Variants in RBFOX1 observed in about 807,000 individuals in gnomAD.
RBFOX1 encodes the protein RNA binding protein fox-1 homolog 1.
RBFOX1 carries 8 observed loss-of-function variants against 57.7 expected under a neutral mutation model. The observed-to-expected ratio is 0.14, with a 90% CI of 0.08 to 0.25. RBFOX1 has a LOEUF of 0.25. Among genes scored for constraint, RBFOX1 ranks in the 10% least tolerant of loss-of-function variants. The pLI, the probability that RBFOX1 is intolerant of heterozygous loss-of-function variation, is 1.00. For missense variants in RBFOX1, 611 were observed against 548.5 expected, an observed-to-expected ratio of 1.11 and a Z score of -1.14; for synonymous variants, 326 against 222.4, an observed-to-expected ratio of 1.47 and a Z score of -4.15.
In RBFOX1 at chr16:6,694,681, G is replaced by A. The variant is rs143190751; in HGVS notation, c.-16+40031G>A. Among the ~76,000 whole-genome samples, 561 of 152,230 alleles carry A rather than the reference G, an allele frequency of 3.7e-3. 5 individuals carry two copies. Among genetic ancestry groups the A allele is most frequent in the African/African-American group, 0.013 (539 of 41,528 alleles). On this transcript the variant is annotated intron_variant, in intron 3 of 15. Transcript: ENST00000550418. ...TGTTTTTCCACATGGTAGCAAGATG[G>A]CCACCAGGAGCCACCAGCTCTATCA...
chr16:7,429,070 T>C (rs890482568), intron 4 of RBFOX1, among the ~76,000 whole-genome samples: 1 of 152,170 alleles, frequency 6.6e-6, no homozygotes, highest in African/African-American at 2.4e-5. Context: ...TGGAAATGAA[T>C]GTGTGGAAGT....
chr16:6,825,609 C>A (rs182980638), intron 3 of RBFOX1, among the ~76,000 whole-genome samples: 11 of 152,276 alleles, frequency 7.2e-5, no homozygotes, highest in African/African-American at 2.2e-4. Context: ...TTAGAAACTG[C>A]AACATCCTCT....
chr16:7,665,723 G>A (rs1182200613), intron 13 of RBFOX1, among the ~76,000 whole-genome samples: 1 of 152,146 alleles, frequency 6.6e-6, no homozygotes, highest in African/African-American at 2.4e-5. Context: ...TTTTGAATAA[G>A]TAGGCAGTGT....
At chr16:7,565,563 G>C (rs1337932503) in intron 5 of RBFOX1, among the ~76,000 whole-genome samples, 1 of 152,184 alleles carries the variant, frequency 6.6e-6, no homozygotes, top group Non-Finnish European at 1.5e-5. Flanking sequence ...GCTAAATCAA[G>C]ACCGCTCTTC....
At chr16:6,811,867 C>A (rs1334009146) in intron 3 of RBFOX1, among the ~76,000 whole-genome samples, 2 of 152,028 alleles carry the variant, frequency 1.3e-5, no homozygotes, top group African/African-American at 4.8e-5. Context: ...CGAGCCTGGG[C>A]AACACGAGTG....
intron 4 of RBFOX1, among the ~76,000 whole-genome samples, chr16:7,150,157 C>T (rs766488920): frequency 1.2e-4 from 19 of 152,180 alleles, no homozygotes; most frequent in Admixed American, 8.5e-4. Context: ...TTCCTATTAG[C>T]AGCCTCCTTC....
intron 3 of RBFOX1, among the ~76,000 whole-genome samples, chr16:5,706,392 C>T (rs940615067): frequency 6.6e-6 from 1 of 152,216 alleles, no homozygotes; most frequent in African/African-American, 2.4e-5. Flanking sequence ...AATCACCAAG[C>T]ACTGCCTTGC....
chr16:6,043,431 A>G (rs767976898), intron 1 of RBFOX1, among the ~76,000 whole-genome samples: 14 of 152,196 alleles, frequency 9.2e-5, no homozygotes, highest in Admixed American at 6.5e-5. Flanking sequence ...AGAGTCTGCT[A>G]TCTGTCATGC....
At chr16:6,121,795 A>G (rs935393614) in intron 1 of RBFOX1, among the ~76,000 whole-genome samples, 1 of 152,236 alleles carries the variant, frequency 6.6e-6, no homozygotes, top group African/African-American at 2.4e-5. Context: ...CCTCTGTAAA[A>G]GAAGGAATAA....
intron 3 of RBFOX1, among the ~76,000 whole-genome samples, chr16:7,044,031 G>A (rs552077121): frequency 6.6e-6 from 1 of 152,150 alleles, no homozygotes; most frequent in Admixed American, 6.5e-5. Context: ...CTGTACAAAT[G>A]TTCTCTGTAT....
intron 4 of RBFOX1, among the ~76,000 whole-genome samples, chr16:7,227,298 A>ACCC (rs1163061832): frequency 5.6e-5 from 4 of 71,074 alleles, no homozygotes; most frequent in East Asian, 4.7e-4. Context: ...CCACCCCCAC[A>ACCC]CACACACACA....
chr16:5,467,711 C>T (rs144594552), intron 2 of RBFOX1, among the ~76,000 whole-genome samples: 8 of 152,076 alleles, frequency 5.3e-5, no homozygotes, highest in Non-Finnish European at 8.8e-5. Context: ...TTTTTAAAAT[C>T]GATTTCAACT....
At chr16:5,477,938 A>G (rs1239258444) in intron 2 of RBFOX1, among the ~76,000 whole-genome samples, 5 of 152,188 alleles carry the variant, frequency 3.3e-5, no homozygotes, top group Non-Finnish European at 7.3e-5. Flanking sequence ...CCCCAAATGC[A>G]GTTCTCCTTG....
At chr16:7,674,804 G>A (rs576373399) in intron 13 of RBFOX1, among the ~76,000 whole-genome samples, 153 of 152,194 alleles carry the variant, frequency 1.0e-3, no homozygotes, top group African/African-American at 3.4e-3. Context: ...TGTTTGCACC[G>A]CAGCAATTCT....
chr16:5,980,182 G>A (rs1023016233), intron 4 of RBFOX1, among the ~76,000 whole-genome samples: 1 of 152,204 alleles, frequency 6.6e-6, no homozygotes, highest in African/African-American at 2.4e-5. Flanking sequence ...GGGCATAAAG[G>A]TCAAGTGTTA....
chr16:7,351,242 C>T (rs966184519), intron 4 of RBFOX1, among the ~76,000 whole-genome samples: 5 of 152,220 alleles, frequency 3.3e-5, no homozygotes, highest in African/African-American at 1.2e-4. Flanking sequence ...GTTCTTTTAC[C>T]TCTCTGAGCC....
chr16:6,203,110 G>GA (rs943830641), intron 1 of RBFOX1, among the ~76,000 whole-genome samples: 41 of 148,890 alleles, frequency 2.8e-4, no homozygotes, highest in Non-Finnish European at 4.3e-4. Flanking sequence ...AAGAGCACTT[G>GA]AAAAAAAAAA....
chr16:6,961,089 G>T (rs887368894), intron 3 of RBFOX1, among the ~76,000 whole-genome samples: 1 of 149,472 alleles, frequency 6.7e-6, no homozygotes, highest in African/African-American at 2.5e-5. Flanking sequence ...GTTGCAGTGA[G>T]CCGAGATCAT....
chr16:7,154,685 TTGTGTGTGTG>T (rs56742260), intron 4 of RBFOX1, among the ~76,000 whole-genome samples: 2,617 of 143,168 alleles, frequency 0.018, 57 homozygotes, highest in African/African-American at 0.051. Flanking sequence ...CCCTCTTCCT[TTGTGTGTGTG>T]TGTGTGTGTG....
Sources: allele counts gnomAD v4.1 joint callset (sites outside exome capture counted in the v4.1 genomes callset), GRCh38; gene constraint gnomAD v4.1.1; transcripts MANE v1.5; gene names NCBI Gene and HGNC (gene_info 2026-07-23, HGNC 2026-07-21).